The following CUX2 variants were observed in gnomAD, a reference collection of about 807,000 sequenced individuals.
The protein encoded by CUX2 is homeobox protein cut-like 2.
In CUX2, 40 loss-of-function variants were observed where a neutral mutation model predicts 144.8. The ratio of observed to expected loss-of-function variants is 0.28; its 90% confidence interval spans 0.21 to 0.36. CUX2 has a LOEUF of 0.36. Among genes scored for constraint, CUX2 ranks in the 10% least tolerant of loss-of-function variants. The pLI is 1.00. For synonymous variants in CUX2, 827 were observed against 875.6 expected, an observed-to-expected ratio of 0.94 and a Z score of 0.98; for missense variants, 1,615 against 1,994.0, an observed-to-expected ratio of 0.81 and a Z score of 3.62.
At chr12:111,297,490 C>T (rs1886072528) in intron 8 of CUX2, among the ~76,000 whole-genome samples, 1 of 152,228 alleles carries the variant, frequency 6.6e-6, no homozygotes, top group Non-Finnish European at 1.5e-5. Flanking sequence ...GTCCTGGGAC[C>T]TGGGCTGAGT....
chr12:111,328,755 T>A (rs960260857), intron 18 of CUX2, among the ~76,000 whole-genome samples: 3 of 151,558 alleles, frequency 2.0e-5, no homozygotes, highest in Non-Finnish European at 2.9e-5. Flanking sequence ...ACCCAACTAA[T>A]TTTTTGTATT....
At chr12:111,056,670 G>A (rs77374753) in intron 1 of CUX2, among the ~76,000 whole-genome samples, 3,633 of 152,342 alleles carry the variant, frequency 0.024, 161 homozygotes, top group African/African-American at 0.084. Flanking sequence ...ACAAAGGTGG[G>A]CCCAGGTTCA....
In CUX2 at chr12:111,263,023, T is replaced by C. The variant is rs1338660728; in HGVS notation, c.223-738T>C. ...TGTTATTTACCCCGCATTTTACAGATGAAGAAACTGAGAATCAGAGAGGGG... is the reference window on the plus strand; with the variant it reads ...TGTTATTTACCCCGCATTTTACAGACGAAGAAACTGAGAATCAGAGAGGGG... On this transcript the variant is annotated intron_variant, in intron 3 of 21. Coordinates refer to ENST00000261726, the MANE Select transcript of CUX2 (RefSeq NM_015267.4). This position sits in a 1 kb window ranked among gnomAD's most constrained non-coding sequence, Gnocchi z 4.0. 2.0e-5 allele frequency among the ~76,000 whole-genome samples: 3 copies of C among 152,194 alleles called. No individual in the cohort carries two copies. The highest frequency in any genetic ancestry group is 6.5e-5 in the Admixed American group (1 of 15,276).
intron 1 of CUX2, among the ~76,000 whole-genome samples, chr12:111,097,357 G>T (rs982887560): frequency 1.3e-5 from 2 of 152,198 alleles, no homozygotes; most frequent in African/African-American, 2.4e-5. Flanking sequence ...AGTGTTTTGG[G>T]AAATGACACA....
At chr12:111,221,800 G>T (rs1881875206) in intron 3 of CUX2, among the ~76,000 whole-genome samples, 1 of 151,906 alleles carries the variant, frequency 6.6e-6, no homozygotes, top group Non-Finnish European at 1.5e-5. Flanking sequence ...GTGTGTGTGT[G>T]TTTGTGTGTG....
intron 1 of CUX2, among the ~76,000 whole-genome samples, chr12:111,198,397 C>A (rs1330135616): frequency 1.3e-5 from 2 of 151,740 alleles, no homozygotes; most frequent in African/African-American, 4.8e-5. Flanking sequence ...ATCGCTTGAA[C>A]CTGGGAAGCG....
In CUX2 at chr12:111,136,110, C is replaced by T. The variant is rs140364287; in HGVS notation, c.64-78090C>T. Among the ~76,000 whole-genome samples, 231 of 151,898 alleles carry T rather than the reference C, an allele frequency of 1.5e-3. 1 individual carries two copies. Among genetic ancestry groups the T allele is most frequent in the Admixed American group, 5.2e-3 (79 of 15,282 alleles). ...AGAGGGGTGAGGTCATTGACTCCGACGGCCACATGGGGAATAGGCCTAAGG... is the reference window on the plus strand; with the variant it reads ...AGAGGGGTGAGGTCATTGACTCCGATGGCCACATGGGGAATAGGCCTAAGG... On this transcript the variant is annotated intron_variant, in intron 1 of 21. Transcript: ENST00000261726.
rs1869407546 is a variant in CUX2, at chr12:111,035,679, C to T, written c.63+1439C>T. ...TTTCTTCTGATAAGTGGTTCCAGCACCCGCGCCTTCTCCCCGTCCTGGCCG... is the reference window on the plus strand; with the variant it reads ...TTTCTTCTGATAAGTGGTTCCAGCATCCGCGCCTTCTCCCCGTCCTGGCCG... On this transcript the variant is annotated intron_variant, in intron 1 of 21. Transcript: ENST00000261726. The surrounding 1 kb of genome is among the most constrained non-coding windows in gnomAD (Gnocchi z 6.0). Among the ~76,000 whole-genome samples, 1 of 151,156 alleles carries T rather than the reference C, an allele frequency of 6.6e-6. No individual in the cohort carries two copies. The highest frequency in any genetic ancestry group is 1.5e-5 in the Non-Finnish European group (1 of 67,932).
chr12:111,268,900 A>C (rs1884510720), intron 4 of CUX2, among the ~76,000 whole-genome samples: 1 of 152,166 alleles, frequency 6.6e-6, no homozygotes, highest in Non-Finnish European at 1.5e-5. Context: ...AGGGGTCCCC[A>C]GGCAGCGCTC....
chr12:111,061,639 T>C lies in CUX2; in HGVS notation c.63+27399T>C, dbSNP rs1415904854. Among the ~76,000 whole-genome samples the C allele has an allele frequency of 2.0e-5, 3 of 152,196 alleles. No homozygotes were observed. The highest frequency in any genetic ancestry group is 4.4e-5 in the Non-Finnish European group (3 of 68,036). On this transcript the variant is annotated intron_variant, in intron 1 of 21. Transcript: ENST00000261726. This position sits in a 1 kb window ranked among gnomAD's most constrained non-coding sequence, Gnocchi z 4.2. The stretch of plus-strand genomic sequence containing the variant: ...ACGGTCTTTCCACTTATACCCACAT[T>C]AGCATTCTCCACGTCATTTTGCTGT...
At position 111,160,549 on chromosome 12, in the gene CUX2, C is replaced by T. The variant is rs950212074; in HGVS notation, c.64-53651C>T. On this transcript the variant is annotated intron_variant, in intron 1 of 21. Transcript: ENST00000261726. The surrounding 1 kb of genome is among the most constrained non-coding windows in gnomAD (Gnocchi z 4.1). ...CGCGTGACCCGGCACAGAGGGGGCG[C>T]GAGATGCGAGCAGGGAGCAGGGTGG... is the stretch of plus-strand genomic sequence containing the variant. Among the ~76,000 whole-genome samples the T allele has an allele frequency of 3.3e-5, 5 of 152,102 alleles. No individual in the cohort carries two copies. Among genetic ancestry groups the T allele is most frequent in the East Asian group, 3.9e-4 (2 of 5,184 alleles).
intron 1 of CUX2, among the ~76,000 whole-genome samples, chr12:111,122,028 C>G (rs1307013263): frequency 6.6e-6 from 1 of 152,146 alleles, no homozygotes; most frequent in African/African-American, 2.4e-5. Context: ...CAGTCCCCTG[C>G]TGGAAGTTTC....
intron 1 of CUX2, among the ~76,000 whole-genome samples, chr12:111,179,401 A>G (rs1041023675): frequency 2.0e-5 from 3 of 152,168 alleles, no homozygotes; most frequent in Non-Finnish European, 2.9e-5. Flanking sequence ...CACCCAAGAA[A>G]TGTTCATGAT....
At chr12:111,211,859 C>T (rs1183317198) in intron 1 of CUX2, among the ~76,000 whole-genome samples, 1 of 151,110 alleles carries the variant, frequency 6.6e-6, no homozygotes, top group Non-Finnish European at 1.5e-5. Flanking sequence ...TGCACCCCAG[C>T]CTGGGCGACA....
intron 1 of CUX2, among the ~76,000 whole-genome samples, chr12:111,142,665 T>C (rs1592935077): frequency 1.3e-5 from 2 of 152,166 alleles, no homozygotes; most frequent in East Asian, 1.9e-4. Flanking sequence ...CAGCAAAATA[T>C]GTAGAACTGA....
In CUX2 at chr12:111,347,852, G is replaced by A. The variant is rs1592995391; in HGVS notation, c.3988G>A (p.Glu1330Lys). 1 of 1,614,110 alleles carries A rather than the reference G, an allele frequency of 6.2e-7. No homozygotes were observed. The highest frequency in any genetic ancestry group is 8.5e-7 in the Non-Finnish European group (1 of 1,180,022). Residue 1330 changes from glutamate (E) to lysine (K), a missense_variant, in exon 22 of 22, where the codon GAG becomes AAG. Glu to Lys is a moderately conservative substitution (Grantham distance 56, BLOSUM62 1). Coordinates refer to ENST00000261726, the MANE Select transcript of CUX2 (RefSeq NM_015267.4). ...GGACAAAGGCCAAGGTCCCCCCAAAGAGGAGCATCCCGACCCTCCGGGTAA... is the reference window on the plus strand; with the variant it reads ...GGACAAAGGCCAAGGTCCCCCCAAAAAGGAGCATCCCGACCCTCCGGGTAA... ...ELDKGQGPPK[E>K]EHPDPPGNDG...
chr12:111,319,330 AAAT>A (rs1373133219), intron 16 of CUX2, among the ~76,000 whole-genome samples: 7 of 152,082 alleles, frequency 4.6e-5, no homozygotes, highest in Admixed American at 4.6e-4. Context: ...GGAAGGAAAG[AAAT>A]ATTTTTAAAG....
At chr12:111,041,881 A>T (rs1021248403) in intron 1 of CUX2, among the ~76,000 whole-genome samples, 11 of 152,170 alleles carry the variant, frequency 7.2e-5, no homozygotes, top group African/African-American at 2.4e-4. Context: ...AAGGCTCCTG[A>T]CCAATGCATG....
chr12:111,123,062 G>C (rs1874790396), intron 1 of CUX2, among the ~76,000 whole-genome samples: 1 of 152,230 alleles, frequency 6.6e-6, no homozygotes, highest in Non-Finnish European at 1.5e-5. Flanking sequence ...GTCCTGGCCA[G>C]GCCTGCTGGG....
Sources: gnomAD v4.1 joint callset for allele counts (sites outside exome capture counted in the v4.1 genomes callset) on GRCh38, gnomAD v4.1.1 for gene constraint, Gnocchi (gnomAD v3.1) non-coding constraint, MANE v1.5 for transcripts, NCBI Gene and HGNC (gene_info 2026-07-23, HGNC 2026-07-21) for gene names.